Variants in OR6J1 observed in about 807,000 individuals in gnomAD.
The protein encoded by OR6J1 is olfactory receptor 6J1.
For missense variants in OR6J1, 304 were observed against 166.8 expected (o/e 1.82, Z -4.53); for synonymous variants, 109 against 70.0 (o/e 1.56, Z -2.78).
rs2037673159 is a variant in OR6J1, at chr14:22,644,115, T to TA, written c.-46dup. 6.6e-6 allele frequency: 1 copy of TA among 152,434 alleles called. No homozygotes were observed. The highest frequency in any genetic ancestry group is 1.5e-5 in the Non-Finnish European group (1 of 68,100). 9.4% of individuals were successfully genotyped at this position (152,434 alleles called of 1,614,324 possible). On this transcript the variant is annotated 5_prime_UTR_variant, in exon 1 of 2. An upstream open reading frame in the 5' UTR gains an earlier in-frame stop. Coordinates refer to ENST00000540461, the MANE Select transcript of OR6J1 (RefSeq NM_001348233.2). Reference sequence around the variant, plus strand: ...GCACTCACCTCGGCTAGGGTTGCCTTATGCCACCTCCACGGCTCAGTCTGT... The same window carrying TA: ...GCACTCACCTCGGCTAGGGTTGCCTTAATGCCACCTCCACGGCTCAGTCTGT...
chr14:22,636,671 C>A (rs2037589327), intron 1 of OR6J1, among the ~76,000 whole-genome samples: 1 of 117,824 alleles, frequency 8.5e-6, no homozygotes, highest in African/African-American at 4.7e-5. Flanking sequence ...CAGCCTCAGC[C>A]TCCCGGGGTG....
In OR6J1 at chr14:22,631,461, A is replaced by T. The variant is rs997290193; in HGVS notation, c.*2307T>A. 8 of 152,212 alleles carry T rather than the reference A, an allele frequency of 5.3e-5. No individual in the cohort carries two copies. The highest frequency in any genetic ancestry group is 2.9e-5 in the Non-Finnish European group (2 of 68,050). The allele number at this position is 152,212 out of a possible 1,614,324, so 9.4% of individuals were successfully genotyped here. ...TCCTCCCATTTGCTTTTGAAAGAAGAGAAATATGGCTCTGTTCCCCCCGGC... is the reference window on the plus strand; with the variant it reads ...TCCTCCCATTTGCTTTTGAAAGAAGTGAAATATGGCTCTGTTCCCCCCGGC... On this transcript the variant is annotated 3_prime_UTR_variant, in exon 2 of 2. Transcript: ENST00000540461.
intron 1 of OR6J1, among the ~76,000 whole-genome samples, chr14:22,639,377 C>T (rs1341313420): frequency 7.9e-6 from 1 of 126,140 alleles, no homozygotes; most frequent in Non-Finnish European, 1.7e-5. Context: ...GTCAGCCCCC[C>T]GCCCGGCCAG....
In OR6J1 at chr14:22,637,136, C is replaced by T. The variant is rs1353049824; in HGVS notation, c.-27-2298G>A. On this transcript the variant is annotated intron_variant, in intron 1 of 1. Coordinates refer to ENST00000540461, the MANE Select transcript of OR6J1 (RefSeq NM_001348233.2). ...CTGAGAGGTGAGGAGCGTCTCTGCC[C>T]GGCCGCCCTGTCTGAGAAGTGAGGA... is the stretch of plus-strand genomic sequence containing the variant. Among the ~76,000 whole-genome samples the T allele has an allele frequency of 4.3e-5, 5 of 115,778 alleles. 1 individual carries two copies. The South Asian group carries it at 1.2e-3, about 28-fold the overall frequency. The allele number at this position is 115,778 out of a possible 152,430, so 76.0% of individuals were successfully genotyped here. A position where few individuals can be genotyped will look rare whatever the true frequency, so the allele number is the denominator to read the frequency against.
intron 1 of OR6J1, among the ~76,000 whole-genome samples, chr14:22,638,839 A>T (rs1594902959): frequency 7.4e-6 from 1 of 134,830 alleles, no homozygotes; most frequent in East Asian, 2.0e-4. Flanking sequence ...GAAAGTGAGG[A>T]GCGTCTCCGC....
At position 22,644,309 on chromosome 14, in the gene OR6J1, T is replaced by C. The variant is rs12589700; in HGVS notation, c.-239A>G. ...ACCTCTTGTCCGACGAGCATGCACT[T>C]GTGTTGTAGACAGCTGGAAGGTACA... is the stretch of plus-strand genomic sequence containing the variant. On this transcript the variant is annotated 5_prime_UTR_variant, in exon 1 of 2. Coordinates refer to ENST00000540461, the MANE Select transcript of OR6J1 (RefSeq NM_001348233.2). 46,587 of 152,156 alleles carry C rather than the reference T, an allele frequency of 0.31. 7,758 individuals are homozygous for C. Among genetic ancestry groups the C allele is most frequent in the African/African-American group, 0.44 (18,357 of 41,480 alleles). 9.4% of individuals were successfully genotyped at this position (152,156 alleles called of 1,614,324 possible).
intron 1 of OR6J1, among the ~76,000 whole-genome samples, chr14:22,641,436 A>G (rs2037650148): frequency 1.3e-5 from 1 of 74,220 alleles, no homozygotes; most frequent in East Asian, 3.3e-4. Flanking sequence ...AGAAAGAAAG[A>G]ATGAAAGAGA....
chr14:22,634,868 G>A (rs1486594814), intron 1 of OR6J1, 30 bp from the exon 2 acceptor site: 2 of 613,176 alleles, frequency 3.3e-6, no homozygotes, highest in African/African-American at 3.7e-5. Context: ...TAACACTTAA[G>A]AGAGTGTTCA....
rs917074588 is a variant in OR6J1, at chr14:22,632,409, T to C, written c.*1359A>G. 2.6e-5 allele frequency: 4 copies of C among 152,068 alleles called. No homozygotes were observed. The highest frequency in any genetic ancestry group is 9.7e-5 in the African/African-American group (4 of 41,350). 9.4% of individuals were successfully genotyped at this position (152,068 alleles called of 1,614,324 possible). On this transcript the variant is annotated 3_prime_UTR_variant, in exon 2 of 2. Coordinates refer to ENST00000540461, the MANE Select transcript of OR6J1 (RefSeq NM_001348233.2). ...AGTGAAGCCCCATCTCTACTAAAAATACAAAAATTAGCCAGGCATGGTGGC... is the reference window on the plus strand; with the variant it reads ...AGTGAAGCCCCATCTCTACTAAAAACACAAAAATTAGCCAGGCATGGTGGC...
In OR6J1 at chr14:22,634,013, G is replaced by A. The variant is rs1176000873; in HGVS notation, c.799C>T (p.Leu267=). Residue 267 remains leucine (L), a synonymous_variant, in exon 2 of 2, where the codon CTG becomes TTG. Coordinates refer to ENST00000540461, the MANE Select transcript of OR6J1 (RefSeq NM_001348233.2). ...IYVTPSQKEY[L]EINKIPLVLS... is the part of the protein sequence containing the mutation. ...ACCAAAGGGATCTTGTTGATCTCCA[G>A]ATATTCTTTCTGGGAGGGAGTCACA... 4.3e-6 allele frequency: 3 copies of A among 702,890 alleles called. No individual in the cohort carries two copies. The highest frequency in any genetic ancestry group is 7.8e-6 in the Non-Finnish European group (3 of 384,862). The allele number at this position is 702,890 out of a possible 1,614,324, so 43.5% of individuals were successfully genotyped here. A position where few individuals can be genotyped will look rare whatever the true frequency, so the allele number is the denominator to read the frequency against.
At chr14:22,638,733 C>G (rs2037616483) in intron 1 of OR6J1, among the ~76,000 whole-genome samples, 1 of 151,914 alleles carries the variant, frequency 6.6e-6, no homozygotes, top group Admixed American at 6.6e-5. Context: ...TGTCAAGAAG[C>G]AAAAATATGA....
rs754291717 is a variant in OR6J1 at position 22,641,554 on chromosome 14, TAAAG to T, written c.-28+2540_-28+2543del. 1.9e-4 allele frequency among the ~76,000 whole-genome samples: 22 copies of T among 114,202 alleles called. No individual in the cohort carries two copies. In the Middle Eastern group the frequency reaches 0.014, roughly 70 times the overall value. 74.9% of individuals were successfully genotyped at this position (114,202 alleles called of 152,430 possible). On this transcript the variant is annotated intron_variant, in intron 1 of 1. Coordinates refer to ENST00000540461, the MANE Select transcript of OR6J1 (RefSeq NM_001348233.2). ...AGGAAAGAAAGAAGGAAGGAAGAAA[TAAAG>T]AAAAAGAAAAAAGAAAGAAGGAAAG...
chr14:22,640,308 AGAGGG>A (rs2037635775), intron 1 of OR6J1, among the ~76,000 whole-genome samples: 5 of 20,220 alleles, frequency 2.5e-4, no homozygotes, highest in African/African-American at 5.1e-4. Context: ...GGAGGGGAGG[AGAGGG>A]GAGGAGAGGA....
rs761836394 is a variant in OR6J1 at position 22,634,229 on chromosome 14, C to A, written c.583G>T (p.Glu195Ter). 2 of 703,272 alleles carry A rather than the reference C, an allele frequency of 2.8e-6. No individual in the cohort carries two copies. The highest frequency in any genetic ancestry group is 3.5e-5 in the African/African-American group (2 of 57,246). The allele number at this position is 703,272 out of a possible 1,614,324, so 43.6% of individuals were successfully genotyped here. ...GAAGAAAGCATAAAATCCATCAGCT[C>A]GATGGCAGTGGTGTCTGCACAGGCC... Reference protein sequence around the residue: ...ALACADTTAIELMDFMLSSMV... With the variant: ...ALACADTTAI The change falls in exon 2 of 2, where the codon GAG becomes TAG. Residue 195 changes from glutamate to a stop codon, truncating the protein, a stop_gained. Coordinates refer to ENST00000540461, the MANE Select transcript of OR6J1 (RefSeq NM_001348233.2). LOFTEE classifies it low-confidence loss of function (END_TRUNC).
Position 22,631,445 on chromosome 14 carries a change from T to A in OR6J1, c.*2323A>T, listed in dbSNP as rs2037545539. 1 of 152,194 alleles carries A rather than the reference T, an allele frequency of 6.6e-6. No individual in the cohort carries two copies. The highest frequency in any genetic ancestry group is 2.1e-4 in the South Asian group (1 of 4,822). 9.4% of individuals were successfully genotyped at this position (152,194 alleles called of 1,614,324 possible). A position where few individuals can be genotyped will look rare whatever the true frequency, so the allele number is the denominator to read the frequency against. On this transcript the variant is annotated 3_prime_UTR_variant, in exon 2 of 2. Coordinates refer to ENST00000540461, the MANE Select transcript of OR6J1 (RefSeq NM_001348233.2). ...AAGAATTCAGTGATATTCCTCCCAT[T>A]TGCTTTTGAAAGAAGAGAAATATGG... is the stretch of plus-strand genomic sequence containing the variant.
Position 22,634,677 on chromosome 14 carries a change from G to A in OR6J1, c.135C>T (p.Ile45=). ...GGCGGGAGCAGGACAGCACAGTGGA[G>A]ATGATGAGCAGGTTCCCCAGAAGAG... The part of the protein sequence containing the change: ...LLTLLGNLLI[I]STVLSCSRLH... The change falls in exon 2 of 2, where the codon ATC becomes ATT. Residue 45 remains isoleucine, a synonymous_variant. Coordinates refer to ENST00000540461, the MANE Select transcript of OR6J1 (RefSeq NM_001348233.2). The A allele has an allele frequency of 1.4e-6, 1 of 738,492 alleles. No homozygotes were observed. The allele number at this position is 738,492 out of a possible 1,614,324, so 45.7% of individuals were successfully genotyped here.
intron 1 of OR6J1, among the ~76,000 whole-genome samples, chr14:22,637,068 C>T (rs2037593791): frequency 1.6e-5 from 2 of 122,320 alleles, no homozygotes; most frequent in South Asian, 4.6e-4. Flanking sequence ...CCCCGCCGCC[C>T]TGTCTGGGAT....
At chr14:22,636,633 C>T (rs1455617245) in intron 1 of OR6J1, among the ~76,000 whole-genome samples, 1 of 114,332 alleles carries the variant, frequency 8.7e-6, no homozygotes, top group Non-Finnish European at 1.7e-5. Context: ...CCGGGCTGGT[C>T]TCCAGCTCCT....
In OR6J1 at chr14:22,631,175, G is replaced by C. The variant is rs371785562; in HGVS notation, c.*2593C>G. The C allele has an allele frequency of 6.6e-6, 1 of 152,084 alleles. No individual in the cohort carries two copies. The highest frequency in any genetic ancestry group is 1.5e-5 in the Non-Finnish European group (1 of 68,008). 9.4% of individuals were successfully genotyped at this position (152,084 alleles called of 1,614,324 possible). A position where few individuals can be genotyped will look rare whatever the true frequency, so the allele number is the denominator to read the frequency against. Reference sequence around the variant, plus strand: ...AAATTAAAATTGCTAATGAAGTTTCGGGCACCATTGTCATTGATAACATCT... The same window carrying C: ...AAATTAAAATTGCTAATGAAGTTTCCGGCACCATTGTCATTGATAACATCT... On this transcript the variant is annotated 3_prime_UTR_variant, in exon 2 of 2. Coordinates refer to ENST00000540461, the MANE Select transcript of OR6J1 (RefSeq NM_001348233.2).
Sources: allele counts gnomAD v4.1 joint callset (sites outside exome capture counted in the v4.1 genomes callset), GRCh38; gene constraint gnomAD v4.1.1; transcripts MANE v1.5; gene names NCBI Gene and HGNC (gene_info 2026-07-23, HGNC 2026-07-21).